Variants in MYBBP1A observed in about 807,000 individuals in gnomAD.
The protein encoded by MYBBP1A is myb-binding protein 1A.
In MYBBP1A, 147 loss-of-function variants were observed where a neutral mutation model predicts 136.3. The ratio of observed to expected loss-of-function variants is 1.08; its 90% CI spans 0.94 to 1.24. The LOEUF (loss-of-function observed/expected upper bound fraction) is 1.24, where lower values mean the gene tolerates loss of function less well. MYBBP1A is among the 50% of genes most tolerant of loss of function. The probability of loss-of-function intolerance (pLI) is 0.00; values close to 1 mark genes in which losing one functional copy is unlikely to be tolerated. For synonymous variants in MYBBP1A, 947 were observed against 735.8 expected (o/e 1.29, Z -4.65); for missense variants, 2,060 against 1,727.4 (o/e 1.19, Z -3.41).
chr17:4,555,201 T>G lies in MYBBP1A; in HGVS notation c.124A>C (p.Ile42Leu). 6.2e-7 allele frequency: 1 copy of G among 1,610,592 alleles called. No individual in the cohort carries two copies. Among genetic ancestry groups the G allele is most frequent in the Non-Finnish European group, 8.5e-7 (1 of 1,178,816 alleles). ...SREFLDFFWDIAKPEQETRLA... is the reference protein window; with the variant it reads ...SREFLDFFWDLAKPEQETRLA... Reference sequence around the variant, plus strand: ...CGCGTCTCCTGCTCAGGCTTCGCAATGTCCCAGAAGAAGTCCAAGAACTCG... The same window carrying G: ...CGCGTCTCCTGCTCAGGCTTCGCAAGGTCCCAGAAGAAGTCCAAGAACTCG... The change falls in exon 1 of 26, where the codon ATT becomes CTT. Residue 42 changes from isoleucine to leucine, a missense_variant. Physicochemically the swap from Ile to Leu is conservative, Grantham distance 5. Transcript: ENST00000254718.
intron 8 of MYBBP1A, 78 bp from the exon 9 acceptor site, chr17:4,550,431 G>C: frequency 6.6e-7 from 1 of 1,512,864 alleles, no homozygotes; most frequent in Non-Finnish European, 8.9e-7. Flanking sequence ...CAAGGGGGCA[G>C]GCGGGCAACA....
Position 4,542,922 on chromosome 17 carries a change from C to A in MYBBP1A, c.2883G>T (p.Thr961=), listed in dbSNP as rs138864176. 1 of 1,613,908 alleles carries A rather than the reference C, an allele frequency of 6.2e-7. No individual in the cohort carries two copies. Residue 961 remains threonine, a synonymous_variant, in exon 20 of 26, where the codon ACG becomes ACT. Transcript: ENST00000254718. ...GCCAGGCCCTGCTCACCTGCGGGCC[C>A]GTGGGCATGTGGCTGGGGTCAGTGC... ...KAGTDPSHMP[T]GPQAASCLDL... is the part of the protein sequence containing the mutation.
intron 22 of MYBBP1A, 164 bp from the exon 23 acceptor site, chr17:4,542,055 C>A: frequency 1.6e-6 from 1 of 612,688 alleles, no homozygotes; most frequent in Non-Finnish European, 2.9e-6. Flanking sequence ...CCTTTGTGTG[C>A]AGGTGGGGAC....
chr17:4,546,328 A>G (rs917975870), intron 13 of MYBBP1A, among the ~76,000 whole-genome samples: 8 of 152,220 alleles, frequency 5.3e-5, no homozygotes, highest in Admixed American at 3.9e-4. Context: ...CATGTTGGCC[A>G]GGCTGGTCTT....
Position 4,550,279 on chromosome 17 carries a change from G to A in MYBBP1A, c.1098C>T (p.Asp366=). 6.2e-7 allele frequency: 1 copy of A among 1,613,556 alleles called. No homozygotes were observed. Among genetic ancestry groups the A allele is most frequent in the South Asian group, 1.1e-5 (1 of 91,090 alleles). Residue 366 remains aspartate, a synonymous_variant, in exon 9 of 26, where the codon GAC becomes GAT. Coordinates refer to ENST00000254718, the MANE Select transcript of MYBBP1A (RefSeq NM_014520.4). ...CTAGCACGGCCAGCTGCCGCTCAGG[G>A]TCATCCTGGCACCCCTCTAGGAAGG... The part of the protein sequence containing the change: ...VGTFLEGCQD[D]PERQLAVLVA...
chr17:4,548,142 C>T lies in MYBBP1A; in HGVS notation c.1724+1G>A. 1 of 1,604,798 alleles carries T rather than the reference C, an allele frequency of 6.2e-7. No homozygotes were observed. Among genetic ancestry groups the T allele is most frequent in the Non-Finnish European group, 8.5e-7 (1 of 1,179,910 alleles). On this transcript the variant is annotated splice_donor_variant, in intron 12 of 25. Transcript: ENST00000254718. LOFTEE classifies it high-confidence loss of function. The surrounding 1 kb of genome is among the most constrained non-coding windows in gnomAD (Gnocchi z 4.2). ...ACCCCCTGGAAATCCCACGTGCTCA[C>T]CGGTCCCAGGCCTGGCGCTGCTGCG...
Position 4,547,973 on chromosome 17 carries a change from G to A in MYBBP1A, c.1809C>T (p.Gly603=). Residue 603 remains glycine (G), a synonymous_variant, in exon 13 of 26, where the codon GGC becomes GGT. Transcript: ENST00000254718. ...AAFQHLLLLV[G]IHLLKSPAES... ...GCCCCAGTACCTTGAGGAGGTGGAT[G>A]CCCACGAGGAGCAGAAGGTGCTGGA... is the stretch of plus-strand genomic sequence containing the variant. 6.6e-7 allele frequency: 1 copy of A among 1,515,550 alleles called. No individual in the cohort carries two copies. Among genetic ancestry groups the A allele is most frequent in the Non-Finnish European group, 8.9e-7 (1 of 1,128,420 alleles). 93.9% of individuals were successfully genotyped at this position (1,515,550 alleles called of 1,614,324 possible).
At chr17:4,543,249 T>TATAA in intron 19 of MYBBP1A, 84 bp from the exon 20 acceptor site, 1 of 1,469,998 alleles carries the variant, frequency 6.8e-7, no homozygotes, top group Non-Finnish European at 9.0e-7. Flanking sequence ...AGTCCCACTT[T>TATAA]ATAAGTGGGG....
Position 4,550,337 on chromosome 17 carries a change from T to G in MYBBP1A, c.1040A>C (p.Lys347Thr). 1 of 1,612,308 alleles carries G rather than the reference T, an allele frequency of 6.2e-7. No individual in the cohort carries two copies. The highest frequency in any genetic ancestry group is 1.1e-5 in the South Asian group (1 of 91,040). The change falls in exon 9 of 26, where the codon AAG becomes ACG. Residue 347 changes from lysine (K) to threonine (T), a missense_variant. Coordinates refer to ENST00000254718, the MANE Select transcript of MYBBP1A (RefSeq NM_014520.4). ...VCTAKLPKQF[K>T]FAPEMDDYVG... The stretch of plus-strand genomic sequence containing the variant: ...GTAATCGTCCATCTCTGGGGCAAAC[T>G]TGAACTGCTTTGGGAGCTGCAAGAG...
chr17:4,552,259 A>G lies in MYBBP1A; in HGVS notation c.771T>C (p.Ser257=). ...LVNVLKMAAS[S]VKKDRKLPAI... ...CGGGCAGCTTGCGGTCCTTCTTCAC[A>G]GAGGAGGCGGCCATCTTCAGCACAT... The change falls in exon 7 of 26, where the codon TCT becomes TCC. Residue 257 remains serine (S), a synonymous_variant. Coordinates refer to ENST00000254718, the MANE Select transcript of MYBBP1A (RefSeq NM_014520.4). This position sits in a 1 kb window ranked among gnomAD's most constrained non-coding sequence, Gnocchi z 4.7. 6.2e-7 allele frequency: 1 copy of G among 1,614,144 alleles called. No homozygotes were observed. The highest frequency in any genetic ancestry group is 8.5e-7 in the Non-Finnish European group (1 of 1,180,028).
Position 4,552,087 on chromosome 17 carries a change from A to G in MYBBP1A, c.905+38T>C, listed in dbSNP as rs750172129. On this transcript the variant is annotated intron_variant, in intron 7 of 25. Transcript: ENST00000254718. This position sits in a 1 kb window ranked among gnomAD's most constrained non-coding sequence, Gnocchi z 4.7. ...TAGTGGCCTAGCCCACTTCACGGAC[A>G]GGGAAGGGGGCCGAGAGAGGACACG... 2 of 1,603,334 alleles carry G rather than the reference A, an allele frequency of 1.2e-6. No homozygotes were observed. Among genetic ancestry groups the G allele is most frequent in the Non-Finnish European group, 1.7e-6 (2 of 1,173,768 alleles).
At position 4,542,538 on chromosome 17, in the gene MYBBP1A, G is replaced by T; in HGVS notation, c.3019-6C>A. 1 of 1,612,436 alleles carries T rather than the reference G, an allele frequency of 6.2e-7. No homozygotes were observed. On this transcript the variant is annotated splice_region_variant and splice_polypyrimidine_tract_variant and intron_variant, in intron 21 of 25. Transcript: ENST00000254718. ...AGCAGGCTCTGACAGAGCACCTGGT[G>T]GGGAGTGACAAGGGCTGTGAGGTGC...
At chr17:4,542,072 G>A (rs1906486916) in intron 22 of MYBBP1A, 181 bp from the exon 23 acceptor site, 3 of 603,096 alleles carry the variant, frequency 5.0e-6, no homozygotes, top group South Asian at 4.0e-5. Flanking sequence ...GGACACCAAG[G>A]CCTCCCAGCT....
In MYBBP1A at chr17:4,552,170, T is replaced by TC; in HGVS notation, c.859dup (p.Glu287GlyfsTer55). ...CTTCAGCAGCCCTTGTTCCACCACC[T>TC]CCTTCCAGAACCGTGGGAACTTGTC... On this transcript the variant is annotated frameshift_variant, in exon 7 of 26. Transcript: ENST00000254718. LOFTEE classifies it high-confidence loss of function. This position sits in a 1 kb window ranked among gnomAD's most constrained non-coding sequence, Gnocchi z 4.7. The TC allele has an allele frequency of 6.2e-7, 1 of 1,614,198 alleles. No homozygotes were observed. Among genetic ancestry groups the TC allele is most frequent in the Non-Finnish European group, 8.5e-7 (1 of 1,180,042 alleles).
At chr17:4,540,241 T>C in intron 25 of MYBBP1A, 107 bp downstream of exon 25, 2 of 1,381,906 alleles carry the variant, frequency 1.4e-6, no homozygotes, top group Non-Finnish European at 1.9e-6. Context: ...AGCATGCGTG[T>C]GCAGTGTGCG....
rs376138782 is a variant in MYBBP1A at position 4,544,805 on chromosome 17, G to A, written c.2427C>T (p.Asp809=). The change falls in exon 18 of 26, where the codon GAC becomes GAT. Residue 809 remains aspartate, a synonymous_variant. Coordinates refer to ENST00000254718, the MANE Select transcript of MYBBP1A (RefSeq NM_014520.4). ...TCTCCTTCTGCAGCTTGTTCTTCTC[G>A]TCTCGCCGGGCCTGGATACGCAGCT... is the stretch of plus-strand genomic sequence containing the variant. The part of the protein sequence containing the change: ...EQKLRIQARR[D]EKNKLQKEKA... 51 of 1,601,242 alleles carry A rather than the reference G, an allele frequency of 3.2e-5. No individual in the cohort carries two copies. The Middle Eastern group carries it at 8.3e-4, about 26-fold the overall frequency.
intron 13 of MYBBP1A, among the ~76,000 whole-genome samples, chr17:4,546,495 C>T (rs1408054107): frequency 6.6e-6 from 1 of 152,132 alleles, no homozygotes. Flanking sequence ...AGGAGTCCAA[C>T]TCCCCCTTGG....
Position 4,547,962 on chromosome 17 carries a change from A to C in MYBBP1A, c.1820T>G (p.Leu607Arg). ...HLLLLVGIHL[L>R]KSPAESCDLL... ...CTCCCTCCCAGGCCCCAGTACCTTG[A>C]GGAGGTGGATGCCCACGAGGAGCAG... Residue 607 changes from leucine (L) to arginine (R), a missense_variant, in exon 13 of 26, where the codon CTC (leucine) becomes CGC (arginine). Transcript: ENST00000254718. The C allele has an allele frequency of 6.6e-7, 1 of 1,507,364 alleles. No individual in the cohort carries two copies. Among genetic ancestry groups the C allele is most frequent in the Non-Finnish European group, 8.9e-7 (1 of 1,124,924 alleles). 93.4% of individuals were successfully genotyped at this position (1,507,364 alleles called of 1,614,324 possible). A position where few individuals can be genotyped will look rare whatever the true frequency, so the allele number is the denominator to read the frequency against.
intron 24 of MYBBP1A, 90 bp downstream of exon 24, chr17:4,541,373 G>A: frequency 1.7e-6 from 2 of 1,177,116 alleles, no homozygotes; most frequent in South Asian, 2.5e-5. Flanking sequence ...CATCCCTGCA[G>A]TCCAGCCCGG....
Sources: gnomAD v4.1 joint callset for allele counts (sites outside exome capture counted in the v4.1 genomes callset) on GRCh38, gnomAD v4.1.1 for gene constraint, Gnocchi (gnomAD v3.1) non-coding constraint, MANE v1.5 for transcripts, NCBI Gene and HGNC (gene_info 2026-07-23, HGNC 2026-07-21) for gene names.